The following NUCKS1 variants were observed in gnomAD, a reference collection of about 807,000 sequenced individuals.
The protein encoded by NUCKS1 is nuclear casein kinase and cyclin dependent kinase substrate 1.
A neutral mutation model predicts 33.0 loss-of-function variants in NUCKS1; 2 were observed. The observed-to-expected ratio is 0.06, with a 90% CI of 0.02 to 0.19. The LOEUF (loss-of-function observed/expected upper bound fraction) is 0.19, where lower values mean the gene tolerates loss of function less well. NUCKS1 is among the 10% of genes least tolerant of loss of function. The pLI is 1.00. For missense variants in NUCKS1, 201 were observed against 293.6 expected, an observed-to-expected ratio of 0.68 and a Z score of 2.31; for synonymous variants, 106 against 102.8, an observed-to-expected ratio of 1.03 and a Z score of -0.19.
chr1:205,740,832 T>C (rs1654150969), intron 1 of NUCKS1, among the ~76,000 whole-genome samples: 1 of 150,166 alleles, frequency 6.7e-6, no homozygotes, highest in African/African-American at 2.4e-5. Context: ...TATATATATA[T>C]ATATATACTT....
Position 205,741,297 on chromosome 1 carries a change from CAAAAAAAAAAAAA to C in NUCKS1, c.17+8647_17+8659del, listed in dbSNP as rs56979923. 1.9e-4 allele frequency among the ~76,000 whole-genome samples: 15 copies of C among 78,922 alleles called. No individual in the cohort carries two copies. In the Admixed American group the frequency reaches 2.1e-3, roughly 11 times the overall value. 51.8% of individuals were successfully genotyped at this position (78,922 alleles called of 152,430 possible). A position where few individuals can be genotyped will look rare whatever the true frequency, so the allele number is the denominator to read the frequency against. ...CCTGGGCGACAGAGCGAGACTGTCTCAAAAAAAAAAAAAAAAAAAAAAGAAAAGAAAAGAAAGA... is the reference window on the plus strand; with the variant it reads ...CCTGGGCGACAGAGCGAGACTGTCTCAAAAAAAAAGAAAAGAAAAGAAAGA... On this transcript the variant is annotated intron_variant, in intron 1 of 6. Coordinates refer to ENST00000367142, the MANE Select transcript of NUCKS1 (RefSeq NM_022731.5).
rs1450664682 is a variant in NUCKS1, at chr1:205,734,944, A to T, written c.18-5323T>A. The stretch of plus-strand genomic sequence containing the variant: ...TCCCAAACAATGTCCTGCCTCCTAA[A>T]GATGCTTATTCAAAATAATATAAAT... On this transcript the variant is annotated intron_variant, in intron 1 of 6. Transcript: ENST00000367142. Among the ~76,000 whole-genome samples, 7 of 152,292 alleles carry T rather than the reference A, an allele frequency of 4.6e-5. No homozygotes were observed. The East Asian group carries it at 1.4e-3, about 29-fold the overall frequency.
At chr1:205,749,077 G>C (rs1248491640) in intron 1 of NUCKS1, among the ~76,000 whole-genome samples, 1 of 152,146 alleles carries the variant, frequency 6.6e-6, no homozygotes, top group African/African-American at 2.4e-5. Context: ...TATTACTAAA[G>C]TCACTCGGGG....
In NUCKS1 at chr1:205,727,762, A is replaced by T. The variant is rs759247569; in HGVS notation, c.111T>A (p.Ile37=). The change falls in exon 3 of 7, where the codon ATT becomes ATA. Residue 37 remains isoleucine, a synonymous_variant. Coordinates refer to ENST00000367142, the MANE Select transcript of NUCKS1 (RefSeq NM_022731.5). ...GRDSGPPTKK[I]RSSPREAKNK... ...TTTTAGCTTCTCGGGGAGATGATCG[A>T]ATTTTCTTAGTGGGAGGGCCCGAAT... 7.4e-6 allele frequency: 12 copies of T among 1,613,486 alleles called. No homozygotes were observed. The highest frequency in any genetic ancestry group is 1.0e-5 in the Non-Finnish European group (12 of 1,179,816).
At position 205,750,053 on chromosome 1, in the gene NUCKS1, C is replaced by CCCCCCCCCCCCCCT; in HGVS notation, c.-81_-80insAGGGGGGGGGGGGG. 7.8e-7 allele frequency: 1 copy of CCCCCCCCCCCCCCT among 1,282,384 alleles called. No individual in the cohort carries two copies. The highest frequency in any genetic ancestry group is 1.0e-6 in the Non-Finnish European group (1 of 963,562). 79.4% of individuals were successfully genotyped at this position (1,282,384 alleles called of 1,614,324 possible). A position where few individuals can be genotyped will look rare whatever the true frequency, so the allele number is the denominator to read the frequency against. On this transcript the variant is annotated 5_prime_UTR_variant, in exon 1 of 7. Coordinates refer to ENST00000367142, the MANE Select transcript of NUCKS1 (RefSeq NM_022731.5). ...CCCCGCGCGCTCGGCGCCCCACCCC[C>CCCCCCCCCCCCCCT]CCCGAACTTCAGCCGATGGGACCGC...
rs941518223 is a variant in NUCKS1 at position 205,717,746 on chromosome 1, G to A, written c.*534C>T. ...AAAGTCATGATTTTTTTTAGACATT[G>A]ATACTTGTGTCTATAGACAAATAAA... On this transcript the variant is annotated 3_prime_UTR_variant, in exon 7 of 7. Coordinates refer to ENST00000367142, the MANE Select transcript of NUCKS1 (RefSeq NM_022731.5). 7.1e-6 allele frequency: 7 copies of A among 984,178 alleles called. No individual in the cohort carries two copies. The East Asian group carries it at 4.5e-4, about 64-fold the overall frequency. The allele number at this position is 984,178 out of a possible 1,614,324, so 61.0% of individuals were successfully genotyped here.
chr1:205,730,749 C>T (rs954917683), intron 1 of NUCKS1, among the ~76,000 whole-genome samples: 1 of 152,150 alleles, frequency 6.6e-6, no homozygotes, highest in Non-Finnish European at 1.5e-5. Context: ...TCCCAAAGTG[C>T]TGGGATTACA....
intron 1 of NUCKS1, among the ~76,000 whole-genome samples, chr1:205,739,722 TG>T (rs1446778867): frequency 1.2e-4 from 19 of 152,176 alleles, no homozygotes; most frequent in Non-Finnish European, 2.2e-4. Flanking sequence ...CTTAAGTAGC[TG>T]GGACTACAGT....
chr1:205,718,104 A>AT lies in NUCKS1; in HGVS notation c.*175_*176insA. The AT allele has an allele frequency of 6.2e-6, 7 of 1,123,562 alleles. No individual in the cohort carries two copies. Among genetic ancestry groups the AT allele is most frequent in the Middle Eastern group, 3.6e-4 (1 of 2,798 alleles). The allele number at this position is 1,123,562 out of a possible 1,614,324, so 69.6% of individuals were successfully genotyped here. On this transcript the variant is annotated 3_prime_UTR_variant, in exon 7 of 7. Coordinates refer to ENST00000367142, the MANE Select transcript of NUCKS1 (RefSeq NM_022731.5). ...TTGCTTTAAAAAAAAAAAAAAAAAA[A>AT]GAGAGAGAGAGAGAAATGTTACTTT...
In NUCKS1 at chr1:205,716,058, C is replaced by G. The variant is rs138692413; in HGVS notation, c.*2222G>C. 1.3e-5 allele frequency: 2 copies of G among 152,322 alleles called. No homozygotes were observed. Among genetic ancestry groups the G allele is most frequent in the East Asian group, 3.9e-4 (2 of 5,192 alleles). The allele number at this position is 152,322 out of a possible 1,614,324, so 9.4% of individuals were successfully genotyped here. A position where few individuals can be genotyped will look rare whatever the true frequency, so the allele number is the denominator to read the frequency against. ...TCCAGTCTATCAGAAATATAGAATA[C>G]ATTTTTCAATCTAATGAATTAATTT... On this transcript the variant is annotated 3_prime_UTR_variant, in exon 7 of 7. Coordinates refer to ENST00000367142, the MANE Select transcript of NUCKS1 (RefSeq NM_022731.5).
chr1:205,719,243 T>C (rs1671880215), intron 6 of NUCKS1, among the ~76,000 whole-genome samples: 2 of 152,248 alleles, frequency 1.3e-5, no homozygotes, highest in Admixed American at 1.3e-4. Flanking sequence ...GATGACACAG[T>C]GTTTCTACCA....
intron 2 of NUCKS1, among the ~76,000 whole-genome samples, chr1:205,728,566 G>A (rs1653831458): frequency 6.6e-6 from 1 of 152,104 alleles, no homozygotes; most frequent in Non-Finnish European, 1.5e-5. Flanking sequence ...TTCCTGACAT[G>A]TAGCAAGCAT....
At chr1:205,749,666 G>A (rs929027374) in intron 1 of NUCKS1, among the ~76,000 whole-genome samples, 4 of 151,948 alleles carry the variant, frequency 2.6e-5, no homozygotes, top group Non-Finnish European at 5.9e-5. Context: ...TCCGGCCGCT[G>A]GCGGCTCAGG....
intron 1 of NUCKS1, among the ~76,000 whole-genome samples, chr1:205,734,067 C>T (rs114915979): frequency 0.012 from 1,804 of 151,686 alleles, 33 homozygotes; most frequent in African/African-American, 0.042. Context: ...TTTGTAGAGA[C>T]GGGGCCTTTC....
chr1:205,718,785 ATT>A (rs1671872205), intron 6 of NUCKS1, among the ~76,000 whole-genome samples: 1 of 152,244 alleles, frequency 6.6e-6, no homozygotes, highest in Non-Finnish European at 1.5e-5. Flanking sequence ...AACATCCTTA[ATT>A]GCTTGGTAAA....
chr1:205,732,933 AT>A (rs201695188), intron 1 of NUCKS1, among the ~76,000 whole-genome samples: 3,117 of 152,172 alleles, frequency 0.02, 45 homozygotes, highest in African/African-American at 0.028. Flanking sequence ...CAAAACAGTG[AT>A]TTTTTAATGA....
chr1:205,744,241 G>T (rs1335027987), intron 1 of NUCKS1, among the ~76,000 whole-genome samples: 1 of 152,208 alleles, frequency 6.6e-6, no homozygotes, highest in African/African-American at 2.4e-5. Flanking sequence ...GCTTTGGGTT[G>T]TTCACAGTGG....
chr1:205,728,316 A>G (rs1412201527), intron 2 of NUCKS1, among the ~76,000 whole-genome samples: 2 of 150,308 alleles, frequency 1.3e-5, no homozygotes, highest in African/African-American at 5.0e-5. Flanking sequence ...CACCATTTGC[A>G]CACACACACA....
chr1:205,739,997 GTTTTTTT>G lies in NUCKS1; in HGVS notation c.17+9953_17+9959del, dbSNP rs60866378. Reference sequence around the variant, plus strand: ...TACATCATCCTGCTATTTACTTTAGGTTTTTTTTTTTTTTTTTTTTTGAGAGACAGTG... The same window carrying G: ...TACATCATCCTGCTATTTACTTTAGGTTTTTTTTTTTTTTGAGAGACAGTG... On this transcript the variant is annotated intron_variant, in intron 1 of 6. Coordinates refer to ENST00000367142, the MANE Select transcript of NUCKS1 (RefSeq NM_022731.5). Among the ~76,000 whole-genome samples the G allele has an allele frequency of 7.0e-4, 57 of 81,774 alleles. 1 individual carries two copies. Among genetic ancestry groups the G allele is most frequent in the African/African-American group, 2.5e-3 (53 of 21,230 alleles). 53.6% of individuals were successfully genotyped at this position (81,774 alleles called of 152,430 possible).
Sources: gnomAD v4.1 joint callset for allele counts (sites outside exome capture counted in the v4.1 genomes callset) on GRCh38, gnomAD v4.1.1 for gene constraint, MANE v1.5 for transcripts, NCBI Gene and HGNC (gene_info 2026-07-23, HGNC 2026-07-21) for gene names.